Variants in GNG8 observed in about 807,000 individuals in gnomAD.
GNG8 encodes the protein guanine nucleotide-binding protein G(I)/G(S)/G(O) subunit gamma-8.
GNG8 carries 3 observed loss-of-function variants against 4.6 expected under a neutral mutation model. The observed-to-expected ratio is 0.65, with a 90% CI of 0.29 to 1.67. GNG8 has a LOEUF of 1.67. Ranked by LOEUF, GNG8 falls within the 40% of genes most tolerant of loss-of-function variation. The pLI is 0.10. For synonymous variants in GNG8, 32 were observed against 40.5 expected, an observed-to-expected ratio of 0.79 and a Z score of 0.80; for missense variants, 88 against 95.2, an observed-to-expected ratio of 0.92 and a Z score of 0.32.
intron 2 of GNG8, 71 bp downstream of exon 2, chr19:46,634,528 C>T: frequency 7.1e-7 from 1 of 1,404,982 alleles, no homozygotes; most frequent in East Asian, 2.3e-5. Flanking sequence ...TGGCTCCGAG[C>T]CGGGCCGACA....
rs548405999 is a variant in GNG8 at position 46,634,627 on chromosome 19, T to A, written c.56A>T (p.Lys19Met). ...AEARKTVEQL[K>M]LEVNIDRMKV... ...CATGCGGTCGATGTTCACCTCCAGC[T>A]TCAGCTGTTCCACCGTCTTGCGGGC... The change falls in exon 2 of 3, where the codon AAG becomes ATG. Residue 19 changes from lysine (K) to methionine (M), a missense_variant. Coordinates refer to ENST00000693335, the MANE Select transcript of GNG8 (RefSeq NM_033258.2). 6.2e-7 allele frequency: 1 copy of A among 1,612,950 alleles called. No individual in the cohort carries two copies. The highest frequency in any genetic ancestry group is 1.7e-5 in the Admixed American group (1 of 59,952).
At chr19:46,635,061 C>A (rs2052856435) in intron 1 of GNG8, among the ~76,000 whole-genome samples, 1 of 152,040 alleles carries the variant, frequency 6.6e-6, no homozygotes, top group Non-Finnish European at 1.5e-5. Context: ...GGGGGCCCCT[C>A]CCCCAGGCCA....
Position 46,634,143 on chromosome 19 carries a change from A to G in GNG8, c.146T>C (p.Leu49Pro), listed in dbSNP as rs1383223448. ...FCETHAKDDP[L>P]VTPVPAAENP... ...CTCCGCGGCGGGTACTGGCGTCACC[A>G]GCGGGTCATCTTTGGCATGCGTCTC... Residue 49 changes from leucine to proline, a missense_variant, in exon 3 of 3, where the codon CTG (leucine) becomes CCG (proline). By Grantham distance (98) the Leu-to-Pro change is moderately conservative. Transcript: ENST00000693335. The G allele has an allele frequency of 5.0e-6, 8 of 1,613,680 alleles. 1 individual carries two copies. In the South Asian group the frequency reaches 7.7e-5, roughly 16 times the overall value.
chr19:46,634,568 C>T (rs1454750219), intron 2 of GNG8, 31 bp downstream of exon 2: 4 of 1,588,946 alleles, frequency 2.5e-6, no homozygotes, highest in Non-Finnish European at 3.4e-6. Flanking sequence ...GGCCCAGAAC[C>T]CCCGCCCTAT....
rs1354782502 is a variant in GNG8, at chr19:46,634,649, G to A, written c.34C>T (p.Arg12Cys). 6 of 1,613,052 alleles carry A rather than the reference G, an allele frequency of 3.7e-6. No homozygotes were observed. In the South Asian group the frequency reaches 6.6e-5, roughly 18 times the overall value. ...SNNMAKIAEA[R>C]KTVEQLKLEV... ...AGCTTCAGCTGTTCCACCGTCTTGC[G>A]GGCCTCGGCAATCTTGGCCATGTTG... The change falls in exon 2 of 3, where the codon CGC becomes TGC. Residue 12 changes from arginine (R) to cysteine (C), a missense_variant. Physicochemically the swap from Arg to Cys is radical, Grantham distance 180. Transcript: ENST00000693335.
chr19:46,636,266 C>A (rs1394487300), upstream of GNG8, among the ~76,000 whole-genome samples: 1 of 151,628 alleles, frequency 6.6e-6, no homozygotes, highest in Non-Finnish European at 1.5e-5. Flanking sequence ...CGCCTCCTCC[C>A]GGAGCCACCG....
In GNG8 at chr19:46,634,065, G is replaced by A. The variant is rs529697826; in HGVS notation, c.*11C>T. 6.2e-5 allele frequency: 100 copies of A among 1,608,902 alleles called. 1 individual carries two copies. In the South Asian group the frequency reaches 1.1e-3, roughly 17 times the overall value. On this transcript the variant is annotated 3_prime_UTR_variant, in exon 3 of 3. Transcript: ENST00000693335. ...ATACTTTGGCAGGGGAGGGTAAGCT[G>A]TCCGGAGGGCTCAGAGCAGAACACA...
chr19:46,634,053 G>A lies in GNG8; in HGVS notation c.*23C>T. On this transcript the variant is annotated 3_prime_UTR_variant, in exon 3 of 3. Transcript: ENST00000693335. ...TTTATTGGATCCATACTTTGGCAGG[G>A]GAGGGTAAGCTGTCCGGAGGGCTCA... is the stretch of plus-strand genomic sequence containing the variant. The A allele has an allele frequency of 6.3e-7, 1 of 1,596,906 alleles. No individual in the cohort carries two copies. Among genetic ancestry groups the A allele is most frequent in the Admixed American group, 1.7e-5 (1 of 57,214 alleles).
chr19:46,636,391 T>A (rs1176941218), upstream of GNG8, among the ~76,000 whole-genome samples: 1 of 152,170 alleles, frequency 6.6e-6, no homozygotes, highest in East Asian at 1.9e-4. Context: ...TGTGTGACTC[T>A]CTCTGTGCCT....
At chr19:46,636,491 T>C (rs2052870110), upstream of GNG8, among the ~76,000 whole-genome samples, 1 of 152,188 alleles carries the variant, frequency 6.6e-6, no homozygotes, top group African/African-American at 2.4e-5. Context: ...CTCTCCAGTG[T>C]GTCCCACAGA....
chr19:46,634,313 AC>A (rs2052848360), intron 2 of GNG8, 109 bp from the exon 3 acceptor site: 5 of 1,256,300 alleles, frequency 4.0e-6, no homozygotes, highest in Non-Finnish European at 5.3e-6. Flanking sequence ...CCCGCCCCAT[AC>A]AGGCCTTTCC....
In GNG8 at chr19:46,634,586, C is replaced by T; in HGVS notation, c.84+13G>A. The T allele has an allele frequency of 3.1e-6, 5 of 1,611,108 alleles. No individual in the cohort carries two copies. The highest frequency in any genetic ancestry group is 4.2e-6 in the Non-Finnish European group (5 of 1,178,470). ...CCAGAACCCCCGCCCTATTCCCCAC[C>T]CCGACCCAGCACCTTCATGCGGTCG... On this transcript the variant is annotated intron_variant, in intron 2 of 2. Coordinates refer to ENST00000693335, the MANE Select transcript of GNG8 (RefSeq NM_033258.2).
At chr19:46,635,900 A>AACAGAGACGGGGAGATAGAGGG (rs1390676366) in intron 1 of GNG8, among the ~76,000 whole-genome samples, 31 of 148,162 alleles carry the variant, frequency 2.1e-4, no homozygotes, top group Non-Finnish European at 3.7e-4. Context: ...GAGATAAAGG[A>AACAGAGACGGGGAGATAGAGGG]ACAGAGACGG....
rs781511091 is a variant in GNG8, at chr19:46,634,173, A to C, written c.116T>G (p.Phe39Cys). Residue 39 changes from phenylalanine to cysteine, a missense_variant, in exon 3 of 3, where the codon TTC (phenylalanine) becomes TGC (cysteine). By Grantham distance (205) the Phe-to-Cys change is radical. Coordinates refer to ENST00000693335, the MANE Select transcript of GNG8 (RefSeq NM_033258.2). ...VSQAAAELLA[F>C]CETHAKDDPL... ...GTCATCTTTGGCATGCGTCTCGCAG[A>C]AAGCCAGGAGTTCCGCTGCTGCCTG... The C allele has an allele frequency of 1.2e-6, 2 of 1,613,236 alleles. No homozygotes were observed. Among genetic ancestry groups the C allele is most frequent in the Non-Finnish European group, 1.7e-6 (2 of 1,179,872 alleles).
At chr19:46,637,399 G>A (rs1276773154), upstream of GNG8, 1 of 152,492 alleles carries the variant, frequency 6.6e-6, no homozygotes, top group East Asian at 1.9e-4. Flanking sequence ...GTGTCTCACA[G>A]AGTCCCACAC....
At position 46,634,069 on chromosome 19, in the gene GNG8, G is replaced by A. The variant is rs200625980; in HGVS notation, c.*7C>T. On this transcript the variant is annotated 3_prime_UTR_variant, in exon 3 of 3. Coordinates refer to ENST00000693335, the MANE Select transcript of GNG8 (RefSeq NM_033258.2). Reference sequence around the variant, plus strand: ...TTTGGCAGGGGAGGGTAAGCTGTCCGGAGGGCTCAGAGCAGAACACAAAAG... The same window carrying A: ...TTTGGCAGGGGAGGGTAAGCTGTCCAGAGGGCTCAGAGCAGAACACAAAAG... The A allele has an allele frequency of 2.6e-5, 42 of 1,609,644 alleles. No individual in the cohort carries two copies. The highest frequency in any genetic ancestry group is 5.1e-5 in the Admixed American group (3 of 59,304).
upstream of GNG8, chr19:46,639,080 A>G (rs1400108071): frequency 6.5e-6 from 1 of 153,030 alleles, no homozygotes; most frequent in East Asian, 1.9e-4. The surrounding 1 kb of genome is among the most constrained non-coding windows in gnomAD (Gnocchi z 5.2). Context: ...GGAGAGAGAC[A>G]CCCAAGCCGA....
upstream of GNG8, chr19:46,637,470 C>G (rs2052876196): frequency 1.3e-5 from 2 of 152,620 alleles, no homozygotes; most frequent in African/African-American, 4.8e-5. Context: ...CTTCTACACA[C>G]AAGGCCTCCC....
chr19:46,637,929 G>GCCAACACAGACTGA, upstream of GNG8: 1 of 145,726 alleles, frequency 6.9e-6, no homozygotes, highest in South Asian at 2.2e-4. Flanking sequence ...ACACAGAGTG[G>GCCAACACAGACTGA]CCAACACAGA....
Sources: gnomAD v4.1 joint callset for allele counts (sites outside exome capture counted in the v4.1 genomes callset) on GRCh38, gnomAD v4.1.1 for gene constraint, Gnocchi (gnomAD v3.1) non-coding constraint, MANE v1.5 for transcripts, NCBI Gene and HGNC (gene_info 2026-07-23, HGNC 2026-07-21) for gene names.